CDH18: variants seen among roughly 807,000 people sequenced by gnomAD.
CDH18 encodes cadherin 18, also known as cadherin-18.
A neutral mutation model predicts 67.9 loss-of-function variants in CDH18; 31 were observed. The observed-to-expected ratio is 0.46, with a 90% CI of 0.34 to 0.62. The LOEUF (loss-of-function observed/expected upper bound fraction) is 0.62, where lower values mean the gene tolerates loss of function less well. Ranked by LOEUF, CDH18 falls within the 20% of genes least tolerant of loss-of-function variation. The pLI, the probability that CDH18 is intolerant of heterozygous loss-of-function variation, is 0.01. For missense variants in CDH18, 890 were observed against 975.5 expected (o/e 0.91, Z 1.17); for synonymous variants, 362 against 347.2 (o/e 1.04, Z -0.48).
intron 5 of CDH18, among the ~76,000 whole-genome samples, chr5:19,659,021 C>G (rs1302665244): frequency 6.6e-6 from 1 of 152,036 alleles, no homozygotes; most frequent in Non-Finnish European, 1.5e-5. Context: ...AAGCTGGAAA[C>G]CATCATTCTC....
At chr5:20,023,262 C>T (rs1738583857) in intron 2 of CDH18, among the ~76,000 whole-genome samples, 1 of 152,176 alleles carries the variant, frequency 6.6e-6, no homozygotes, top group Non-Finnish European at 1.5e-5. Flanking sequence ...CAGCCCTCAG[C>T]TTTGCCTGTG....
chr5:20,407,880 G>A (rs1271519646), intron 1 of CDH18, among the ~76,000 whole-genome samples: 1 of 151,888 alleles, frequency 6.6e-6, no homozygotes, highest in Non-Finnish European at 1.5e-5. Flanking sequence ...TCCCAATGAA[G>A]AAATGAACAT....
Position 20,147,488 on chromosome 5 carries a change from T to C in CDH18, c.-518+107956A>G, listed in dbSNP as rs111416303. ...AACAGATAATTTAAAAATTAAAATCTTTTAATTTCTGTAAATAGTTTTTTC... is the reference window on the plus strand; with the variant it reads ...AACAGATAATTTAAAAATTAAAATCCTTTAATTTCTGTAAATAGTTTTTTC... On this transcript the variant is annotated intron_variant, in intron 2 of 14. Transcript: ENST00000507958. 2.5e-3 allele frequency among the ~76,000 whole-genome samples: 383 copies of C among 152,224 alleles called. 1 individual carries two copies. The highest frequency in any genetic ancestry group is 8.7e-3 in the African/African-American group (361 of 41,558).
At chr5:20,127,206 TTC>T (rs1451248649) in intron 2 of CDH18, among the ~76,000 whole-genome samples, 2 of 151,394 alleles carry the variant, frequency 1.3e-5, no homozygotes, top group Admixed American at 1.3e-4. Flanking sequence ...CTTCCCCCTT[TTC>T]TCTTTCTCTC....
At chr5:19,670,454 A>G (rs1197647525) in intron 5 of CDH18, among the ~76,000 whole-genome samples, 2 of 152,180 alleles carry the variant, frequency 1.3e-5, no homozygotes, top group Non-Finnish European at 2.9e-5. Context: ...GCACTGAGGC[A>G]AAGATTAGGA....
intron 1 of CDH18, among the ~76,000 whole-genome samples, chr5:20,492,546 C>T (rs1200319940): frequency 1.1e-4 from 16 of 151,986 alleles, no homozygotes; most frequent in Non-Finnish European, 2.1e-4. Flanking sequence ...TATGAAATAT[C>T]GTTGGTAAAG....
chr5:20,359,869 T>A (rs1358166507), intron 1 of CDH18, among the ~76,000 whole-genome samples: 2 of 152,000 alleles, frequency 1.3e-5, no homozygotes, highest in Non-Finnish European at 2.9e-5. Context: ...CACTGTCTTA[T>A]AAAGTTAGAA....
chr5:19,622,492 G>A (rs756234682), intron 5 of CDH18, among the ~76,000 whole-genome samples: 2 of 152,126 alleles, frequency 1.3e-5, no homozygotes, highest in Non-Finnish European at 2.9e-5. Context: ...TCAGTCATCT[G>A]GGTCTATTTG....
chr5:20,396,514 T>A (rs1339844063), intron 1 of CDH18, among the ~76,000 whole-genome samples: 1 of 151,938 alleles, frequency 6.6e-6, no homozygotes, highest in African/African-American at 2.4e-5. Flanking sequence ...CAAAAATAAA[T>A]CATAATAAAT....
chr5:20,219,864 A>G (rs1456439613), intron 2 of CDH18, among the ~76,000 whole-genome samples: 1 of 151,996 alleles, frequency 6.6e-6, no homozygotes, highest in African/African-American at 2.4e-5. Flanking sequence ...ACTCTCAGCT[A>G]GTATCATAAG....
chr5:20,236,411 G>A (rs898745240), intron 2 of CDH18, among the ~76,000 whole-genome samples: 2 of 151,640 alleles, frequency 1.3e-5, no homozygotes, highest in East Asian at 3.9e-4. Context: ...GAAATATTAT[G>A]TTTCAAAGGT....
chr5:19,897,723 T>C (rs1434965995), intron 2 of CDH18, among the ~76,000 whole-genome samples: 2 of 152,034 alleles, frequency 1.3e-5, no homozygotes, highest in African/African-American at 4.8e-5. Context: ...ATCAATATTA[T>C]ACAGCAATAA....
chr5:19,620,698 T>C (rs552283682), intron 5 of CDH18, among the ~76,000 whole-genome samples: 7 of 152,162 alleles, frequency 4.6e-5, no homozygotes, highest in Non-Finnish European at 8.8e-5. Flanking sequence ...AGAATGCTTT[T>C]TTTTATTTTT....
chr5:20,321,122 C>T (rs1438333462), intron 1 of CDH18, among the ~76,000 whole-genome samples: 1 of 152,114 alleles, frequency 6.6e-6, no homozygotes, highest in African/African-American at 2.4e-5. Context: ...GCTCTGCAAA[C>T]TCAGCAAGTG....
intron 3 of CDH18, among the ~76,000 whole-genome samples, chr5:19,750,435 A>G (rs1770685184): frequency 6.6e-6 from 1 of 152,256 alleles, no homozygotes; most frequent in African/African-American, 2.4e-5. Context: ...GTGAATAATA[A>G]GGGTAGTTGC....
intron 2 of CDH18, among the ~76,000 whole-genome samples, chr5:19,898,433 C>T (rs998147758): frequency 6.6e-6 from 1 of 151,780 alleles, no homozygotes; most frequent in African/African-American, 2.4e-5. Context: ...TTCAGGGTGC[C>T]TTTTATAAAA....
At chr5:19,550,717 T>A (rs1364146833) in intron 8 of CDH18, among the ~76,000 whole-genome samples, 1 of 99,054 alleles carries the variant, frequency 1.0e-5, no homozygotes, top group African/African-American at 2.9e-5. Flanking sequence ...AGTGCCACAA[T>A]AAACATATGT....
rs540832215 is a variant in CDH18 at position 20,437,481 on chromosome 5, G to A, written c.-580+137981C>T. Among the ~76,000 whole-genome samples, 44 of 151,332 alleles carry A rather than the reference G, an allele frequency of 2.9e-4. 1 individual carries two copies. The highest frequency in any genetic ancestry group is 1.0e-3 in the African/African-American group (43 of 41,198). On this transcript the variant is annotated intron_variant, in intron 1 of 14. Coordinates refer to the CDH18 transcript ENST00000507958. ...AATTAATGTTCTTATGCATTGGTAA[G>A]GTGACTTTGTACTTCAGAGTAGATA...
intron 3 of CDH18, among the ~76,000 whole-genome samples, chr5:19,763,367 AC>A (rs1280148032): frequency 1.3e-5 from 2 of 152,344 alleles, no homozygotes; most frequent in Admixed American, 1.3e-4. Context: ...AGTAGCACAA[AC>A]AAAGGCTTCT....
Sources: gnomAD v4.1 joint callset for allele counts (sites outside exome capture counted in the v4.1 genomes callset) on GRCh38, gnomAD v4.1.1 for gene constraint, MANE v1.5 for transcripts, NCBI Gene and HGNC (gene_info 2026-07-23, HGNC 2026-07-21) for gene names.